Variants in TVP23B observed in about 807,000 individuals in gnomAD.
The protein encoded by TVP23B is Golgi apparatus membrane protein TVP23 homolog B.
TVP23B carries 10 observed loss-of-function variants against 30.6 expected under a neutral mutation model. That is an observed-to-expected ratio of 0.33 (90% CI 0.20 to 0.55). The LOEUF is 0.55. Ranked by LOEUF, TVP23B falls within the 20% of genes least tolerant of loss-of-function variation. The pLI is 0.91. For synonymous variants in TVP23B, 67 were observed against 83.1 expected (o/e 0.81, Z 1.06); for missense variants, 153 against 243.2 (o/e 0.63, Z 2.47).
At chr17:18,796,361 T>A (rs1322768905) in intron 3 of TVP23B, 2 of 152,232 alleles carry the variant, frequency 1.3e-5, no homozygotes, top group Non-Finnish European at 2.9e-5. Context: ...CTGACCAACA[T>A]GGAGAAACCC....
intron 3 of TVP23B, among the ~76,000 whole-genome samples, chr17:18,793,152 G>A (rs2036022499): frequency 6.6e-6 from 1 of 152,076 alleles, no homozygotes; most frequent in Non-Finnish European, 1.5e-5. Context: ...GCAGAGGGTT[G>A]GATAGGCTTG....
chr17:18,791,555 A>G (rs1223418321), intron 3 of TVP23B, among the ~76,000 whole-genome samples: 1 of 152,128 alleles, frequency 6.6e-6, no homozygotes, highest in South Asian at 2.1e-4. Flanking sequence ...TCAGTGTCCA[A>G]AAATGTTTTT....
At chr17:18,803,177 C>T (rs1025527240) in intron 5 of TVP23B, among the ~76,000 whole-genome samples, 1 of 151,874 alleles carries the variant, frequency 6.6e-6, no homozygotes, top group Non-Finnish European at 1.5e-5. Context: ...GTAGAATGGT[C>T]GATGAGCTGT....
chr17:18,789,507 A>T, intron 2 of TVP23B, 72 bp downstream of exon 2: 1 of 1,599,318 alleles, frequency 6.3e-7, no homozygotes, highest in African/African-American at 1.3e-5. Flanking sequence ...GTGCTAGCTG[A>T]TGGGAGTCAA....
At chr17:18,783,260 C>T (rs1342087604) in intron 1 of TVP23B, among the ~76,000 whole-genome samples, 1 of 152,034 alleles carries the variant, frequency 6.6e-6, no homozygotes, top group African/African-American at 2.4e-5. Flanking sequence ...CGCCTGCCAC[C>T]ACGCCCGGCT....
rs1246176972 is a variant in TVP23B, at chr17:18,804,202, T to G, written c.527T>G (p.Val176Gly). The G allele has an allele frequency of 6.2e-7, 1 of 1,611,122 alleles. No individual in the cohort carries two copies. The highest frequency in any genetic ancestry group is 8.5e-7 in the Non-Finnish European group (1 of 1,179,210). Residue 176 changes from valine (V) to glycine (G), a missense_variant, in exon 6 of 7, where the codon GTG becomes GGG. Around this residue, in one of 3 missense-constraint regions of TVP23B, gnomAD observed 62 missense variants for 74.3 expected, o/e 0.83. Transcript: ENST00000307767. ...CTGTATGGTTACATCAGGTGTAAGG[T>G]GCGCAGCAGAAAGCATTTAACCAGC... Reference protein sequence around the residue: ...ANLYGYIRCKVRSRKHLTSMA... With the variant: ...ANLYGYIRCKGRSRKHLTSMA...
rs559559135 is a variant in TVP23B at position 18,789,618 on chromosome 17, CATACTTAATACT to C, written c.95+184_95+195del. On this transcript the variant is annotated intron_variant, in intron 2 of 6. Transcript: ENST00000307767. The stretch of plus-strand genomic sequence containing the variant: ...TTCAGATTTTCTTGTGAATAATTGG[CATACTTAATACT>C]GAGTTTTAAAATCAGCAAATCCAAT... 69 of 698,376 alleles carry C rather than the reference CATACTTAATACT, an allele frequency of 9.9e-5. No individual in the cohort carries two copies. The South Asian group carries it at 1.0e-3, about 10-fold the overall frequency. The allele number at this position is 698,376 out of a possible 1,614,324, so 43.3% of individuals were successfully genotyped here.
intron 1 of TVP23B, among the ~76,000 whole-genome samples, chr17:18,788,620 A>T (rs1484296058): frequency 1.3e-5 from 2 of 150,690 alleles, no homozygotes; most frequent in Non-Finnish European, 3.0e-5. Context: ...CGTCTCAACT[A>T]AAAATACGAA....
Position 18,785,385 on chromosome 17 carries a change from C to CTTT in TVP23B, c.13-3952_13-3950dup, listed in dbSNP as rs61537943. Among the ~76,000 whole-genome samples, 1,195 of 137,718 alleles carry CTTT rather than the reference C, an allele frequency of 8.7e-3. 17 individuals are homozygous for CTTT. Among genetic ancestry groups the CTTT allele is most frequent in the African/African-American group, 0.025 (930 of 36,824 alleles). The allele number at this position is 137,718 out of a possible 152,430, so 90.3% of individuals were successfully genotyped here. On this transcript the variant is annotated intron_variant, in intron 1 of 6. Transcript: ENST00000307767. ...ACTCCAGGAGTGCAGAGCTATTTGT[C>CTTT]TTTTTTTTTTTTTTTTTTAAATCTG...
intron 2 of TVP23B, 95 bp downstream of exon 2, chr17:18,789,530 T>A (rs2035960261): frequency 3.3e-6 from 5 of 1,524,520 alleles, no homozygotes; most frequent in Non-Finnish European, 4.5e-6. Flanking sequence ...CAGAGTTGTT[T>A]CAATGTGCTT....
rs573504806 is a variant in TVP23B, at chr17:18,790,908, A to G, written c.108A>G (p.Ala36=). 7.5e-6 allele frequency: 12 copies of G among 1,610,570 alleles called. No individual in the cohort carries two copies. In the South Asian group the frequency reaches 8.9e-5, roughly 12 times the overall value. The change falls in exon 3 of 7, where the codon GCA becomes GCG. Residue 36 remains alanine, a synonymous_variant. Transcript: ENST00000307767. ...PRKAKIRHPV[A]SFFHLFFRVS... ...TTTTGGTTTTCAGACATCCAGTAGC[A>G]TCGTTTTTCCACTTATTCTTTCGAG...
At chr17:18,793,643 A>G (rs1294645255) in intron 3 of TVP23B, among the ~76,000 whole-genome samples, 1 of 151,816 alleles carries the variant, frequency 6.6e-6, no homozygotes, top group Non-Finnish European at 1.5e-5. Flanking sequence ...ATTTAAAACC[A>G]GTCGTGTATC....
chr17:18,787,614 G>A (rs1249675398), intron 1 of TVP23B, among the ~76,000 whole-genome samples: 2 of 152,170 alleles, frequency 1.3e-5, no homozygotes, highest in Non-Finnish European at 2.9e-5. Context: ...TTGGTATTTG[G>A]TGGTGAGCAG....
chr17:18,800,497 C>A (rs2036143711), intron 5 of TVP23B, among the ~76,000 whole-genome samples: 1 of 152,094 alleles, frequency 6.6e-6, no homozygotes, highest in African/African-American at 2.4e-5. Context: ...TAAATGATGA[C>A]CTGGCTGGAT....
At chr17:18,785,925 A>G (rs1266083713) in intron 1 of TVP23B, among the ~76,000 whole-genome samples, 2 of 152,040 alleles carry the variant, frequency 1.3e-5, no homozygotes, top group Non-Finnish European at 2.9e-5. Context: ...GTACTGTTGT[A>G]AAGTTCTGGT....
intron 6 of TVP23B, chr17:18,804,731 G>A: frequency 3.2e-6 from 1 of 313,588 alleles, no homozygotes; most frequent in Non-Finnish European, 4.8e-6. Context: ...TGGGATTACA[G>A]GCGCATGCCA....
At chr17:18,784,665 A>G (rs2035872549) in intron 1 of TVP23B, among the ~76,000 whole-genome samples, 1 of 152,178 alleles carries the variant, frequency 6.6e-6, no homozygotes, top group African/African-American at 2.4e-5. Flanking sequence ...AAAGAAAAAA[A>G]ATACAGTGGT....
At chr17:18,794,700 T>C (rs1356323290) in intron 3 of TVP23B, among the ~76,000 whole-genome samples, 2 of 151,732 alleles carry the variant, frequency 1.3e-5, no homozygotes, top group African/African-American at 4.8e-5. Flanking sequence ...ACAGAAGAGT[T>C]TGAAAGTATT....
At chr17:18,797,895 C>T (rs1287912519) in intron 4 of TVP23B, among the ~76,000 whole-genome samples, 2 of 152,102 alleles carry the variant, frequency 1.3e-5, no homozygotes, top group Non-Finnish European at 2.9e-5. Context: ...GACACTGGGT[C>T]TGAGTTCATA....
Sources: gnomAD v4.1 joint callset for allele counts (sites outside exome capture counted in the v4.1 genomes callset) on GRCh38, gnomAD v4.1.1 for gene constraint, gnomAD v4.1.1 regional missense constraint, MANE v1.5 for transcripts, NCBI Gene and HGNC (gene_info 2026-07-23, HGNC 2026-07-21) for gene names.